The following HDAC9 variants were observed in gnomAD, a reference collection of about 807,000 sequenced individuals.
HDAC9 encodes MEF-2 interacting transcription repressor (MITR) protein.
HDAC9 carries 41 observed loss-of-function variants against 139.4 expected under a neutral mutation model. The observed-to-expected ratio is 0.29, with a 90% CI of 0.23 to 0.38. The LOEUF is 0.38. Among genes scored for constraint, HDAC9 ranks in the 10% least tolerant of loss-of-function variants. The pLI is 1.00. For synonymous variants in HDAC9, 517 were observed against 476.2 expected (o/e 1.09, Z -1.12); for missense variants, 1,147 against 1,297.0 (o/e 0.88, Z 1.78).
intron 2 of HDAC9, among the ~76,000 whole-genome samples, chr7:18,168,570 CTGTGTGTGTGTG>C (rs765949434): frequency 6.7e-6 from 1 of 149,406 alleles, no homozygotes; most frequent in East Asian, 1.9e-4. Flanking sequence ...GTGTGTGTGT[CTGTGTGTGTGTG>C]TGTACGTGTG....
At chr7:18,803,746 T>C (rs1318445784) in intron 17 of HDAC9, among the ~76,000 whole-genome samples, 1 of 152,186 alleles carries the variant, frequency 6.6e-6, no homozygotes, top group African/African-American at 2.4e-5. Context: ...GCTTGCCATG[T>C]ATTTTTAGTG....
At chr7:18,939,877 G>A (rs1170592505) in intron 23 of HDAC9, among the ~76,000 whole-genome samples, 2 of 152,130 alleles carry the variant, frequency 1.3e-5, no homozygotes, top group Non-Finnish European at 2.9e-5. Context: ...GGCAGAACCC[G>A]CTTTAGTTTC....
At chr7:18,763,244 G>A (rs1162916295) in intron 15 of HDAC9, among the ~76,000 whole-genome samples, 3 of 152,148 alleles carry the variant, frequency 2.0e-5, no homozygotes, top group African/African-American at 7.2e-5. Context: ...ATCTTGGAAA[G>A]CAATTGTAAG....
chr7:18,799,104 C>A (rs530531058), intron 17 of HDAC9, among the ~76,000 whole-genome samples: 2 of 150,278 alleles, frequency 1.3e-5, no homozygotes, highest in Non-Finnish European at 3.0e-5. Flanking sequence ...CAGAGCCCCT[C>A]GGCAAAGGCT....
At chr7:18,667,313 C>T in intron 12 of HDAC9, 1 of 984,864 alleles carries the variant, frequency 1.0e-6, no homozygotes, top group Non-Finnish European at 1.2e-6. Flanking sequence ...TTGCAAAAAA[C>T]ACAGTAACAG....
intron 17 of HDAC9, among the ~76,000 whole-genome samples, chr7:18,812,798 C>A (rs749796914): frequency 6.6e-6 from 1 of 151,978 alleles, no homozygotes. Flanking sequence ...TTCATCACTT[C>A]GGTATGGCCC....
At chr7:18,760,140 C>T (rs1032786371) in intron 14 of HDAC9, among the ~76,000 whole-genome samples, 1 of 152,052 alleles carries the variant, frequency 6.6e-6, no homozygotes, top group Non-Finnish European at 1.5e-5. Flanking sequence ...AGGAGGAGCT[C>T]GAAGCCCTCT....
chr7:18,197,753 T>C (rs1790828140), intron 2 of HDAC9, among the ~76,000 whole-genome samples: 3 of 152,196 alleles, frequency 2.0e-5, no homozygotes, highest in Admixed American at 2.0e-4. Flanking sequence ...CAGTCCTTTT[T>C]CCCTAGCTTT....
chr7:18,496,261 G>A lies in HDAC9; in HGVS notation c.-41-1G>A, dbSNP rs1796919165. The A allele has an allele frequency of 6.2e-7, 1 of 1,613,020 alleles. No homozygotes were observed. The highest frequency in any genetic ancestry group is 1.3e-5 in the African/African-American group (1 of 74,860). The stretch of plus-strand genomic sequence containing the variant: ...CGAGAGTGACTCCTGTTTTTCCTCA[G>A]ATGGGGTGGCTGGACGAGAGCAGCT... On this transcript the variant is annotated splice_acceptor_variant, in intron 1 of 25. Coordinates refer to ENST00000686413, the MANE Select transcript of HDAC9 (RefSeq NM_178425.4). LOFTEE classifies it low-confidence loss of function (5UTR_SPLICE).
intron 1 of HDAC9, among the ~76,000 whole-genome samples, chr7:18,467,931 G>A (rs561855497): frequency 3.3e-5 from 5 of 152,186 alleles, no homozygotes; most frequent in Admixed American, 1.3e-4. Flanking sequence ...AAAATCTTGA[G>A]TAGTACTACT....
At chr7:18,829,426 G>C (rs1486219633) in intron 18 of HDAC9, 35 bp from the exon 19 acceptor site, 38 of 1,450,554 alleles carry the variant, frequency 2.6e-5, no homozygotes, top group Middle Eastern at 1.8e-4. Flanking sequence ...TGGATGATTT[G>C]CTTTCTTATT....
At chr7:18,640,535 CTTCCTTGG>C (rs1185151177) in intron 8 of HDAC9, among the ~76,000 whole-genome samples, 2 of 151,624 alleles carry the variant, frequency 1.3e-5, no homozygotes, top group Non-Finnish European at 2.9e-5. Context: ...TCCCTCCCTC[CTTCCTTGG>C]TTCCTTCTCT....
chr7:18,691,262 CA>C (rs1412911037), intron 12 of HDAC9, among the ~76,000 whole-genome samples: 1 of 151,802 alleles, frequency 6.6e-6, no homozygotes, highest in Non-Finnish European at 1.5e-5. Flanking sequence ...TACTTCCTAA[CA>C]AAAAAATTAT....
chr7:18,534,226 G>A (rs1474661618), intron 2 of HDAC9, among the ~76,000 whole-genome samples: 2 of 152,190 alleles, frequency 1.3e-5, no homozygotes, highest in African/African-American at 2.4e-5. Context: ...CCCTTTCAGT[G>A]GGTACATGTG....
chr7:18,687,057 T>A (rs534799322), intron 12 of HDAC9, among the ~76,000 whole-genome samples: 1 of 151,996 alleles, frequency 6.6e-6, no homozygotes, highest in South Asian at 2.1e-4. Flanking sequence ...AGAGTTCATA[T>A]TTTTATAATT....
intron 15 of HDAC9, 24 bp from the exon 16 acceptor site, chr7:18,767,082 T>G (rs773514708): frequency 7.9e-7 from 1 of 1,266,816 alleles, no homozygotes; most frequent in Non-Finnish European, 1.1e-6. Flanking sequence ...TTATCTATAT[T>G]TTTTATGTCT....
rs536119862 is a variant in HDAC9 at position 18,340,759 on chromosome 7, G to A, written c.-42+50244G>A. Among the ~76,000 whole-genome samples, 13 of 151,574 alleles carry A rather than the reference G, an allele frequency of 8.6e-5. No individual in the cohort carries two copies. In the East Asian group the frequency reaches 2.3e-3, roughly 27 times the overall value. On this transcript the variant is annotated intron_variant, in intron 1 of 3. Transcript: ENST00000413509. Reference sequence around the variant, plus strand: ...TTGTTTAAACATTCAAGTATCTTTAGATATTTAAATAATTAAAAATGTTTA... The same window carrying A: ...TTGTTTAAACATTCAAGTATCTTTAAATATTTAAATAATTAAAAATGTTTA...
At chr7:18,254,630 A>G (rs1428268067) in intron 2 of HDAC9, among the ~76,000 whole-genome samples, 4 of 152,198 alleles carry the variant, frequency 2.6e-5, no homozygotes, top group Non-Finnish European at 5.9e-5. Flanking sequence ...GGAAGTATGT[A>G]GCTGAGTAAT....
chr7:18,365,086 C>G (rs1471671861), intron 1 of HDAC9, among the ~76,000 whole-genome samples: 3 of 151,974 alleles, frequency 2.0e-5, no homozygotes, highest in Admixed American at 2.0e-4. Flanking sequence ...CAGAAAAACA[C>G]CTTCATAGAC....
Sources: allele counts gnomAD v4.1 joint callset (sites outside exome capture counted in the v4.1 genomes callset), GRCh38; gene constraint gnomAD v4.1.1; transcripts MANE v1.5; gene names NCBI Gene and HGNC (gene_info 2026-07-23, HGNC 2026-07-21).